FGGY: variants seen among roughly 807,000 people sequenced by gnomAD.
FGGY encodes FGGY carbohydrate kinase domain-containing protein.
A neutral mutation model predicts 71.3 loss-of-function variants in FGGY; 72 were observed. The observed-to-expected ratio is 1.01, with a 90% confidence interval of 0.84 to 1.23. The LOEUF is 1.23. Among genes scored for constraint, FGGY ranks in the 50% most tolerant of loss-of-function variants. The pLI is 0.00. For missense variants in FGGY, 668 were observed against 682.3 expected, an observed-to-expected ratio of 0.98 and a Z score of 0.23; for synonymous variants, 251 against 250.3, an observed-to-expected ratio of 1.00 and a Z score of -0.02.
At chr1:59,737,364 A>G (rs1351038982) in intron 14 of FGGY, among the ~76,000 whole-genome samples, 1 of 152,232 alleles carries the variant, frequency 6.6e-6, no homozygotes, top group East Asian at 1.9e-4. Context: ...ATCCACTGAC[A>G]GCTTACACCA....
intron 8 of FGGY, among the ~76,000 whole-genome samples, chr1:59,557,474 G>C (rs1571238922): frequency 6.6e-6 from 1 of 152,162 alleles, no homozygotes; most frequent in African/African-American, 2.4e-5. Flanking sequence ...CGTACCTCCA[G>C]GTTCCTGTTG....
chr1:59,363,155 T>A (rs191588724), intron 4 of FGGY, among the ~76,000 whole-genome samples: 2 of 152,326 alleles, frequency 1.3e-5, no homozygotes, highest in East Asian at 1.9e-4. Context: ...TCTCACTGAA[T>A]TGAATTCGGC....
At chr1:59,648,889 T>C (rs1254457437) in intron 11 of FGGY, among the ~76,000 whole-genome samples, 3 of 152,112 alleles carry the variant, frequency 2.0e-5, no homozygotes, top group Non-Finnish European at 4.4e-5. Flanking sequence ...TTAGGTCTAA[T>C]GTTTAAATCT....
intron 8 of FGGY, among the ~76,000 whole-genome samples, chr1:59,590,403 A>C (rs1021023551): frequency 6.6e-6 from 1 of 152,236 alleles, no homozygotes; most frequent in African/African-American, 2.4e-5. Context: ...ATTCCAATCA[A>C]TAGAAAAAGA....
At chr1:59,375,836 C>T (rs1014762288) in intron 4 of FGGY, among the ~76,000 whole-genome samples, 10 of 145,912 alleles carry the variant, frequency 6.9e-5, no homozygotes, top group Non-Finnish European at 1.2e-4. Context: ...TAAAAGCTGT[C>T]GTTATATAAT....
At chr1:59,329,088 C>T (rs1557563434) in intron 2 of FGGY, among the ~76,000 whole-genome samples, 1 of 152,054 alleles carries the variant, frequency 6.6e-6, no homozygotes, top group East Asian at 1.9e-4. Flanking sequence ...TGCTACACAC[C>T]TTCAATTTGT....
chr1:59,557,727 A>C (rs2095713002), intron 8 of FGGY, among the ~76,000 whole-genome samples: 1 of 152,202 alleles, frequency 6.6e-6, no homozygotes, highest in African/African-American at 2.4e-5. Flanking sequence ...CAGAGGTTGA[A>C]AAGTCATGGG....
At chr1:59,712,543 C>T (rs886655219) in intron 14 of FGGY, among the ~76,000 whole-genome samples, 1 of 152,342 alleles carries the variant, frequency 6.6e-6, no homozygotes, top group Admixed American at 6.5e-5. Context: ...AAACTTCTGC[C>T]TGGGCATCCA....
At chr1:59,728,773 A>G (rs1047672660) in intron 14 of FGGY, among the ~76,000 whole-genome samples, 2 of 152,062 alleles carry the variant, frequency 1.3e-5, no homozygotes, top group Non-Finnish European at 2.9e-5. Flanking sequence ...TTCTCTATAG[A>G]TTAGGTGGAT....
Position 59,587,719 on chromosome 1 carries a change from G to C in FGGY, c.904-20084G>C, listed in dbSNP as rs532164314. On this transcript the variant is annotated intron_variant, in intron 8 of 15. Coordinates refer to ENST00000303721, the MANE Select transcript of FGGY (RefSeq NM_018291.5). Reference sequence around the variant, plus strand: ...AGTGGACCTCTAGCAAACTCCAACAGACCTGCAGCTGAGGGTCCTGTCTGT... The same window carrying C: ...AGTGGACCTCTAGCAAACTCCAACACACCTGCAGCTGAGGGTCCTGTCTGT... Among the ~76,000 whole-genome samples the C allele has an allele frequency of 3.3e-5, 5 of 152,290 alleles. No homozygotes were observed. In the East Asian group the frequency reaches 5.8e-4, roughly 18 times the overall value.
chr1:59,644,749 G>A (rs964192442), intron 11 of FGGY, among the ~76,000 whole-genome samples: 3 of 152,038 alleles, frequency 2.0e-5, no homozygotes, highest in Non-Finnish European at 4.4e-5. Context: ...AGGCCGAGGC[G>A]GGTGGATCAC....
rs1357771751 is a variant in FGGY at position 59,480,671 on chromosome 1, A to C, written c.670+23595A>C. On this transcript the variant is annotated intron_variant, in intron 6 of 15. Coordinates refer to ENST00000303721, the MANE Select transcript of FGGY (RefSeq NM_018291.5). Reference sequence around the variant, plus strand: ...CACCTTCAATGAGGAAGTGTTTTCTAGGTGAAGAGTTGAGTGAAGGAGATG... The same window carrying C: ...CACCTTCAATGAGGAAGTGTTTTCTCGGTGAAGAGTTGAGTGAAGGAGATG... Among the ~76,000 whole-genome samples the C allele has an allele frequency of 2.0e-5, 3 of 152,314 alleles. No homozygotes were observed. In the East Asian group the frequency reaches 5.8e-4, roughly 29 times the overall value.
intron 2 of FGGY, among the ~76,000 whole-genome samples, chr1:59,338,619 A>G (rs933415201): frequency 6.6e-6 from 1 of 152,082 alleles, no homozygotes; most frequent in Non-Finnish European, 1.5e-5. Context: ...TTATTTTGCT[A>G]AGAGGATTTT....
intron 14 of FGGY, among the ~76,000 whole-genome samples, chr1:59,709,852 G>C (rs535070759): frequency 6.6e-6 from 1 of 152,298 alleles, no homozygotes; most frequent in East Asian, 1.9e-4. Context: ...TGACTTCCAA[G>C]GCTTTCCAAA....
chr1:59,652,874 G>C (rs537854224), intron 11 of FGGY, among the ~76,000 whole-genome samples: 4 of 152,286 alleles, frequency 2.6e-5, no homozygotes, highest in East Asian at 3.9e-4. Context: ...TTTTCCCCAT[G>C]TTTGTGGTTT....
intron 6 of FGGY, among the ~76,000 whole-genome samples, chr1:59,463,089 A>G (rs556624136): frequency 1.3e-5 from 2 of 152,328 alleles, no homozygotes; most frequent in East Asian, 3.9e-4. Context: ...CTGGATTAAG[A>G]AAATGTGGCA....
chr1:59,309,178 G>C (rs892183946), intron 1 of FGGY, among the ~76,000 whole-genome samples: 3 of 152,030 alleles, frequency 2.0e-5, no homozygotes, highest in African/African-American at 7.3e-5. Flanking sequence ...GTATGAAACA[G>C]CCTGTTTCCC....
intron 11 of FGGY, among the ~76,000 whole-genome samples, chr1:59,642,114 A>C (rs139301218): frequency 2.8e-4 from 43 of 152,112 alleles, no homozygotes; most frequent in Non-Finnish European, 5.4e-4. Context: ...CATTCTAAGC[A>C]TCTGTTAATG....
At chr1:59,576,665 G>GACACACAC (rs1204594891) in intron 8 of FGGY, among the ~76,000 whole-genome samples, 12 of 134,538 alleles carry the variant, frequency 8.9e-5, no homozygotes, top group African/African-American at 2.9e-4. Flanking sequence ...CAGACAGACA[G>GACACACAC]ACAGACAGAC....
Sources: gnomAD v4.1 joint callset for allele counts (sites outside exome capture counted in the v4.1 genomes callset) on GRCh38, gnomAD v4.1.1 for gene constraint, MANE v1.5 for transcripts, NCBI Gene and HGNC (gene_info 2026-07-23, HGNC 2026-07-21) for gene names.